PASK: variants seen among roughly 807,000 people sequenced by gnomAD.
PASK encodes PAS domain-containing serine/threonine-protein kinase.
Under a neutral mutation model 121.0 loss-of-function variants are expected in PASK, and 110 were observed. The ratio of observed to expected loss-of-function variants is 0.91; its 90% CI spans 0.78 to 1.06. The LOEUF is 1.06. Ranked by LOEUF, PASK falls within the 50% of genes least tolerant of loss-of-function variation. The probability of loss-of-function intolerance (pLI) is 0.00; values close to 1 mark genes in which losing one functional copy is unlikely to be tolerated. For synonymous variants in PASK, 686 were observed against 717.8 expected (o/e 0.96, Z 0.71); for missense variants, 1,643 against 1,702.3 (o/e 0.97, Z 0.61).
intron 9 of PASK, among the ~76,000 whole-genome samples, chr2:241,131,439 C>T (rs920269669): frequency 2.8e-4 from 43 of 152,282 alleles, no homozygotes; most frequent in Non-Finnish European, 2.9e-4. Flanking sequence ...TGATCCACCG[C>T]GCCTGGCCCA....
intron 9 of PASK, among the ~76,000 whole-genome samples, chr2:241,128,507 C>T (rs1047214314): frequency 1.3e-5 from 2 of 152,170 alleles, no homozygotes; most frequent in African/African-American, 4.8e-5. Flanking sequence ...GCACCAGATG[C>T]ACAGAATGTG....
chr2:241,136,141 G>A, intron 7 of PASK, 102 bp from the exon 8 acceptor site: 3 of 1,062,428 alleles, frequency 2.8e-6, no homozygotes, highest in Admixed American at 1.7e-5. Context: ...GCCAGTCCCT[G>A]AGGGTTCACC....
At chr2:241,133,901 G>C (rs939194109) in intron 8 of PASK, 1 of 150,756 alleles carries the variant, frequency 6.6e-6, no homozygotes, top group Non-Finnish European at 1.5e-5. Context: ...AGAATCACCT[G>C]AACCCAGGAG....
At chr2:241,131,120 T>A (rs528342572) in intron 9 of PASK, among the ~76,000 whole-genome samples, 9 of 151,770 alleles carry the variant, frequency 5.9e-5, no homozygotes, top group African/African-American at 1.7e-4. Context: ...TATTCTTCTA[T>A]AATTAAAAAA....
chr2:241,106,352 T>C lies in PASK; in HGVS notation c.*214A>G. ...ACAGTTGAACACTGGAATGTTTTTT[T>C]CTAGGTCATGAAAAAAGTGAATTCC... is the stretch of plus-strand genomic sequence containing the variant. On this transcript the variant is annotated 3_prime_UTR_variant, in exon 18 of 18. Coordinates refer to ENST00000234040, the MANE Select transcript of PASK (RefSeq NM_015148.4). 3.3e-6 allele frequency: 2 copies of C among 613,890 alleles called. No homozygotes were observed. Among genetic ancestry groups the C allele is most frequent in the Admixed American group, 2.8e-5 (1 of 35,146 alleles). 38.0% of individuals were successfully genotyped at this position (613,890 alleles called of 1,614,324 possible).
intron 1 of PASK, among the ~76,000 whole-genome samples, chr2:241,146,703 G>A (rs908155122): frequency 3.9e-5 from 6 of 152,214 alleles, no homozygotes; most frequent in African/African-American, 1.4e-4. Flanking sequence ...ACACACCTAT[G>A]TAATTAAACT....
intron 1 of PASK, among the ~76,000 whole-genome samples, chr2:241,144,118 G>A (rs985511154): frequency 2.0e-5 from 3 of 151,672 alleles, no homozygotes; most frequent in Admixed American, 1.3e-4. Context: ...GTGTCCGTGC[G>A]TGTGTGTGCG....
At chr2:241,147,722 A>G (rs1179609749) in intron 1 of PASK, among the ~76,000 whole-genome samples, 2 of 151,666 alleles carry the variant, frequency 1.3e-5, no homozygotes, top group African/African-American at 4.8e-5. Context: ...GGAAAGGGGG[A>G]AAAAAAGCAA....
In PASK at chr2:241,139,841, C is replaced by G. The variant is rs537075803; in HGVS notation, c.600+44G>C. ...ACTGAGCTGTTCCTGCCACACACTG[C>G]TGGTCTTGAGGCCAGACTGAACGCT... is the stretch of plus-strand genomic sequence containing the variant. On this transcript the variant is annotated intron_variant, in intron 4 of 17. Transcript: ENST00000234040. 5.0e-5 allele frequency: 80 copies of G among 1,594,814 alleles called. No individual in the cohort carries two copies. In the South Asian group the frequency reaches 8.5e-4, roughly 17 times the overall value.
intron 8 of PASK, chr2:241,133,663 A>C (rs572732875): frequency 2.3e-4 from 37 of 160,878 alleles, no homozygotes; most frequent in Non-Finnish European, 4.3e-4. Context: ...TCTTGGTTAC[A>C]TGAGAGAAAG....
chr2:241,123,871 C>A, intron 11 of PASK, 78 bp downstream of exon 11: 1 of 1,197,938 alleles, frequency 8.3e-7, no homozygotes, highest in Non-Finnish European at 1.2e-6. Context: ...CCCAAGGAAA[C>A]AGAGAGAGAT....
chr2:241,139,799 A>G (rs1432687141), intron 4 of PASK, 86 bp downstream of exon 4: 3 of 1,283,572 alleles, frequency 2.3e-6, no homozygotes, highest in East Asian at 2.4e-5. Flanking sequence ...CCCCCAGCAG[A>G]GCTCCTGGTA....
chr2:241,120,492 C>CAAAAAAAAAAAAAAAAAAAAAAAA (rs568145375), intron 12 of PASK, among the ~76,000 whole-genome samples: 5 of 139,934 alleles, frequency 3.6e-5, no homozygotes, highest in Admixed American at 7.0e-5. Context: ...GACTCTGTCT[C>CAAAAAAAAAAAAAAAAAAAAAAAA]AAAAGAAAAA....
At position 241,137,100 on chromosome 2, in the gene PASK, GCCAC is replaced by G. The variant is rs1324670292; in HGVS notation, c.1037_1040del (p.Ser346ThrfsTer20). ...TCCCATCCGGCAGGAGGGTGATGAGGCCACTGATGGTGCAGAACACCCAGACAGA... is the reference window on the plus strand; with the variant it reads ...TCCCATCCGGCAGGAGGGTGATGAGGTGATGGTGCAGAACACCCAGACAGA... On this transcript the variant is annotated frameshift_variant, in exon 7 of 18. Transcript: ENST00000234040. LOFTEE classifies it high-confidence loss of function. The G allele has an allele frequency of 6.2e-7, 1 of 1,613,626 alleles. No individual in the cohort carries two copies. Among genetic ancestry groups the G allele is most frequent in the Non-Finnish European group, 8.5e-7 (1 of 1,179,846 alleles).
intron 8 of PASK, among the ~76,000 whole-genome samples, chr2:241,135,218 A>G (rs2066350066): frequency 6.6e-6 from 1 of 152,242 alleles, no homozygotes; most frequent in African/African-American, 2.4e-5. Flanking sequence ...AATTAAAACT[A>G]TGTGGGATAA....
intron 16 of PASK, 137 bp from the exon 17 acceptor site, chr2:241,107,636 C>T: frequency 1.3e-6 from 1 of 783,370 alleles, no homozygotes; most frequent in African/African-American, 1.7e-5. Context: ...TAGTGCAGGG[C>T]CCAGCTGTGC....
intron 12 of PASK, chr2:241,119,012 G>C: frequency 1.1e-6 from 1 of 908,810 alleles, no homozygotes; most frequent in Non-Finnish European, 1.3e-6. Flanking sequence ...TTGCGCCATC[G>C]AGCAGCCCGT....
chr2:241,114,276 G>C, intron 14 of PASK: 1 of 985,334 alleles, frequency 1.0e-6, no homozygotes, highest in Non-Finnish European at 1.2e-6. Flanking sequence ...AACAACCCGA[G>C]AGTGTGTAGC....
chr2:241,148,756 T>C lies in PASK; in HGVS notation c.-43+658A>G, dbSNP rs2067102969. 4.6e-5 allele frequency among the ~76,000 whole-genome samples: 7 copies of C among 152,230 alleles called. No homozygotes were observed. The South Asian group carries it at 1.5e-3, about 32-fold the overall frequency. On this transcript the variant is annotated intron_variant, in intron 1 of 17. Transcript: ENST00000234040. ...CTACAGTAATCCAGGCAAGAAATTA[T>C]AAAGTCTTAAATTAAGGTAGCAGCA...
Sources: gnomAD v4.1 joint callset for allele counts (sites outside exome capture counted in the v4.1 genomes callset) on GRCh38, gnomAD v4.1.1 for gene constraint, MANE v1.5 for transcripts, NCBI Gene and HGNC (gene_info 2026-07-23, HGNC 2026-07-21) for gene names.